Variants in PSMG1 observed in about 807,000 individuals in gnomAD.
PSMG1 encodes the protein proteasome assembly chaperone 1, also known as Down syndrome critical region gene 2.
Under a neutral mutation model 37.2 loss-of-function variants are expected in PSMG1, and 23 were observed. The observed-to-expected ratio is 0.62, with a 90% CI of 0.44 to 0.88. The LOEUF is 0.88. Ranked by LOEUF, PSMG1 falls within the 40% of genes least tolerant of loss-of-function variation. The probability of loss-of-function intolerance (pLI) is 0.00; values close to 1 mark genes in which losing one functional copy is unlikely to be tolerated. For missense variants in PSMG1, 340 were observed against 344.2 expected (o/e 0.99, Z 0.10); for synonymous variants, 127 against 128.0 (o/e 0.99, Z 0.05).
intron 4 of PSMG1, 59 bp from the exon 5 acceptor site, chr21:39,178,706 C>CA: frequency 6.8e-7 from 1 of 1,469,532 alleles, no homozygotes; most frequent in Non-Finnish European, 9.3e-7. Flanking sequence ...AGAATGGAAA[C>CA]ATTCCTCTAG....
In PSMG1 at chr21:39,183,320, C is replaced by T; in HGVS notation, c.66G>A (p.Glu22=). 1 of 1,578,464 alleles carries T rather than the reference C, an allele frequency of 6.3e-7. No individual in the cohort carries two copies. Among genetic ancestry groups the T allele is most frequent in the East Asian group, 2.3e-5 (1 of 42,590 alleles). The stretch of plus-strand genomic sequence containing the variant: ...TCTCCCTCCGCCCCTCCTCCTCCTC[C>T]TCTTCGTCCTCAGTCCCAGCTCGGC... ...APCRAGTEDE[E]EEEEGRRETP... Residue 22 remains glutamate (E), a synonymous_variant, in exon 1 of 7, where the codon GAG becomes GAA. Transcript: ENST00000331573.
intron 4 of PSMG1, 79 bp from the exon 5 acceptor site, chr21:39,178,726 T>A: frequency 7.7e-7 from 1 of 1,305,580 alleles, no homozygotes; most frequent in Non-Finnish European, 1.1e-6. Flanking sequence ...GGTATTCACC[T>A]AACACCACAG....
intron 5 of PSMG1, 96 bp downstream of exon 5, chr21:39,178,353 T>C (rs2030698723): frequency 9.1e-7 from 1 of 1,103,088 alleles, no homozygotes; most frequent in South Asian, 1.4e-5. Context: ...GTATCAATCA[T>C]CATTAATAAA....
chr21:39,177,350 G>A, intron 6 of PSMG1, 85 bp downstream of exon 6: 1 of 1,293,618 alleles, frequency 7.7e-7, no homozygotes, highest in Non-Finnish European at 1.0e-6. Context: ...ATTGCTTAGG[G>A]TTTAAAATGA....
At chr21:39,182,235 C>T (rs1259065943) in intron 1 of PSMG1, among the ~76,000 whole-genome samples, 1 of 152,210 alleles carries the variant, frequency 6.6e-6, no homozygotes, top group Non-Finnish European at 1.5e-5. Context: ...GACCAAGCCT[C>T]CAAATGAACA....
At position 39,177,427 on chromosome 21, in the gene PSMG1, A is replaced by C. The variant is rs774860665; in HGVS notation, c.792+8T>G. 1.4e-5 allele frequency: 22 copies of C among 1,574,700 alleles called. No homozygotes were observed. The highest frequency in any genetic ancestry group is 2.8e-5 in the African/African-American group (2 of 72,432). Reference sequence around the variant, plus strand: ...GCAGCTATTAATTTAAATGAGTTAAAACCTTACCTTAACCAAACCCTTCAA... The same window carrying C: ...GCAGCTATTAATTTAAATGAGTTAACACCTTACCTTAACCAAACCCTTCAA... On this transcript the variant is annotated splice_region_variant and intron_variant, in intron 6 of 6. Coordinates refer to ENST00000331573, the MANE Select transcript of PSMG1 (RefSeq NM_003720.4).
rs917571794 is a variant in PSMG1 at position 39,174,853 on chromosome 21, G to A, written c.*737C>T. 7.2e-5 allele frequency: 11 copies of A among 152,200 alleles called. No homozygotes were observed. Among genetic ancestry groups the A allele is most frequent in the African/African-American group, 2.4e-4 (10 of 41,444 alleles). The allele number at this position is 152,200 out of a possible 1,614,324, so 9.4% of individuals were successfully genotyped here. On this transcript the variant is annotated 3_prime_UTR_variant, in exon 7 of 7. Coordinates refer to ENST00000331573, the MANE Select transcript of PSMG1 (RefSeq NM_003720.4). ...ATGACTGTAAGAGAACTGCTGACAC[G>A]CGCAGAGCCAGCCTTGAAAGAGAGC... is the stretch of plus-strand genomic sequence containing the variant.
At chr21:39,182,295 C>T (rs1224982111) in intron 1 of PSMG1, among the ~76,000 whole-genome samples, 12 of 152,270 alleles carry the variant, frequency 7.9e-5, no homozygotes, top group South Asian at 4.1e-4. Context: ...GACACCACAA[C>T]GAAGCTATCA....
intron 6 of PSMG1, among the ~76,000 whole-genome samples, chr21:39,176,986 C>T (rs2030647369): frequency 1.3e-5 from 2 of 152,128 alleles, no homozygotes; most frequent in South Asian, 2.1e-4. Flanking sequence ...AAGGTATAAA[C>T]CAAGGGTAAG....
At position 39,177,529 on chromosome 21, in the gene PSMG1, T is replaced by C. The variant is rs1415995312; in HGVS notation, c.698A>G (p.Tyr233Cys). 5 of 1,601,612 alleles carry C rather than the reference T, an allele frequency of 3.1e-6. No individual in the cohort carries two copies. In the African/African-American group the frequency reaches 4.0e-5, roughly 13 times the overall value. The part of the protein sequence containing the change: ...CQVWKIPAIL[Y>C]LCYTDVMKLD... ...TTTCATCACATCAGTATAACACAAGTACAGAATTGCTGGGATTTTCCATAC... is the reference window on the plus strand; with the variant it reads ...TTTCATCACATCAGTATAACACAAGCACAGAATTGCTGGGATTTTCCATAC... The change falls in exon 6 of 7, where the codon TAC (tyrosine) becomes TGC (cysteine). Residue 233 changes from tyrosine to cysteine, a missense_variant. Transcript: ENST00000331573.
At chr21:39,176,346 A>C (rs1039399917) in intron 6 of PSMG1, among the ~76,000 whole-genome samples, 23 of 152,238 alleles carry the variant, frequency 1.5e-4, no homozygotes, top group Non-Finnish European at 2.4e-4. Context: ...CCAAGCGTTT[A>C]TGACACACCT....
intron 6 of PSMG1, among the ~76,000 whole-genome samples, chr21:39,176,739 A>G (rs2030639139): frequency 6.6e-6 from 1 of 152,250 alleles, no homozygotes; most frequent in Admixed American, 6.5e-5. Context: ...CTGGGAAATG[A>G]GCTACTTCCA....
chr21:39,177,953 C>A (rs2030686661), intron 5 of PSMG1, among the ~76,000 whole-genome samples: 1 of 152,098 alleles, frequency 6.6e-6, no homozygotes, highest in Non-Finnish European at 1.5e-5. Context: ...GAAACCCCAA[C>A]CAAACCCTAT....
chr21:39,180,230 T>C, intron 3 of PSMG1, 55 bp downstream of exon 3: 6 of 1,523,090 alleles, frequency 3.9e-6, no homozygotes, highest in Non-Finnish European at 5.3e-6. Context: ...TACCAGTAAA[T>C]AACATGTAAG....
In PSMG1 at chr21:39,183,114, A is replaced by C. The variant is rs1052858504; in HGVS notation, c.134+138T>G. 3.5e-6 allele frequency: 4 copies of C among 1,131,916 alleles called. No homozygotes were observed. In the African/African-American group the frequency reaches 6.6e-5, roughly 19 times the overall value. The allele number at this position is 1,131,916 out of a possible 1,614,324, so 70.1% of individuals were successfully genotyped here. The stretch of plus-strand genomic sequence containing the variant: ...CGGCTTCACGGAGACCCAGGGCCCA[A>C]GCAGAGCCAAGGAGCGGCGGCAACC... On this transcript the variant is annotated intron_variant, in intron 1 of 6. Coordinates refer to ENST00000331573, the MANE Select transcript of PSMG1 (RefSeq NM_003720.4).
chr21:39,183,129 C>A (rs2146415066), intron 1 of PSMG1, 123 bp downstream of exon 1: 1 of 1,242,512 alleles, frequency 8.0e-7, no homozygotes, highest in Non-Finnish European at 1.1e-6. Context: ...AGCCAAGGAG[C>A]GGCGGCAACC....
intron 1 of PSMG1, 94 bp downstream of exon 1, chr21:39,183,158 A>C: frequency 7.3e-7 from 1 of 1,378,168 alleles, no homozygotes; most frequent in Non-Finnish European, 9.4e-7. Flanking sequence ...CACTCGGAAG[A>C]CCGCGGAGCC....
intron 4 of PSMG1, 30 bp from the exon 5 acceptor site, chr21:39,178,677 A>T: frequency 1.9e-6 from 3 of 1,573,224 alleles, no homozygotes; most frequent in Non-Finnish European, 2.6e-6. Context: ...AAATTAAAAA[A>T]AACATATAAT....
chr21:39,183,061 C>T, intron 1 of PSMG1, 191 bp downstream of exon 1: 1 of 681,764 alleles, frequency 1.5e-6, no homozygotes, highest in Non-Finnish European at 2.3e-6. Flanking sequence ...GAACCACACA[C>T]ACCTGGGGCT....
Sources: allele counts gnomAD v4.1 joint callset (sites outside exome capture counted in the v4.1 genomes callset), GRCh38; gene constraint gnomAD v4.1.1; transcripts MANE v1.5; gene names NCBI Gene and HGNC (gene_info 2026-07-23, HGNC 2026-07-21).